Variants in NLRP1 observed in about 807,000 individuals in gnomAD.
NLRP1 encodes the protein NACHT, LRR and PYD domains-containing protein 1.
In NLRP1, 94 loss-of-function variants were observed where a neutral mutation model predicts 136.7. The ratio of observed to expected loss-of-function variants is 0.69; its 90% CI spans 0.58 to 0.82. NLRP1 has a LOEUF of 0.82. NLRP1 is among the 40% of genes least tolerant of loss of function. The pLI is 0.00. For synonymous variants in NLRP1, 690 were observed against 725.1 expected (o/e 0.95, Z 0.78); for missense variants, 1,575 against 1,802.7 (o/e 0.87, Z 2.29).
At position 5,517,907 on chromosome 17, in the gene NLRP1, A is replaced by G. The variant is rs1209396716; in HGVS notation, c.3916-20T>C. On this transcript the variant is annotated intron_variant, in intron 14 of 16. Transcript: ENST00000572272. The stretch of plus-strand genomic sequence containing the variant: ...CAGTTCCTGAAGAGGCAAAGAGTTG[A>G]GTTGCCACCCTGTTCATCTTGCATG... The G allele has an allele frequency of 6.2e-7, 1 of 1,613,232 alleles. No individual in the cohort carries two copies. Among genetic ancestry groups the G allele is most frequent in the Non-Finnish European group, 8.5e-7 (1 of 1,179,732 alleles).
Position 5,558,387 on chromosome 17 carries a change from ATCAGCTGAAGC to A in NLRP1, c.2298_2308del (p.Lys766AsnfsTer2). 1 of 1,613,924 alleles carries A rather than the reference ATCAGCTGAAGC, an allele frequency of 6.2e-7. No individual in the cohort carries two copies. Among genetic ancestry groups the A allele is most frequent in the Non-Finnish European group, 8.5e-7 (1 of 1,179,932 alleles). The stretch of plus-strand genomic sequence containing the variant: ...TGTTGATCTGTGCTGCCTGCCCTCA[ATCAGCTGAAGC>A]TTCTTCACGTGGCGGCTGAATTTAA... On this transcript the variant is annotated frameshift_variant, in exon 4 of 17. Coordinates refer to ENST00000572272, the MANE Select transcript of NLRP1 (RefSeq NM_033004.4). LOFTEE classifies it high-confidence loss of function.
chr17:5,545,411 CACAT>C (rs1339556073), intron 5 of NLRP1, among the ~76,000 whole-genome samples: 1 of 150,984 alleles, frequency 6.6e-6, no homozygotes, highest in Non-Finnish European at 1.5e-5. Context: ...GATACACACA[CACAT>C]ACACAGACAT....
At chr17:5,531,133 TTGTCTTGTC>T (rs763131609) in intron 11 of NLRP1, among the ~76,000 whole-genome samples, 2 of 137,696 alleles carry the variant, frequency 1.5e-5, no homozygotes, top group African/African-American at 5.2e-5. Context: ...ATTATCTGTC[TTGTCTTGTC>T]TGTCTATCTA....
Position 5,518,211 on chromosome 17 carries a change from C to G in NLRP1, c.3916-324G>C, listed in dbSNP as rs142001129. On this transcript the variant is annotated intron_variant, in intron 14 of 16. Coordinates refer to ENST00000572272, the MANE Select transcript of NLRP1 (RefSeq NM_033004.4). Reference sequence around the variant, plus strand: ...CCCAAAGCCTGTCTTCCCAATGGACCCTAAACTCCACCCACTGTCGATTGA... The same window carrying G: ...CCCAAAGCCTGTCTTCCCAATGGACGCTAAACTCCACCCACTGTCGATTGA... 4.6e-3 allele frequency: 1,074 copies of G among 233,472 alleles called. 10 individuals carry two copies. Among genetic ancestry groups the G allele is most frequent in the African/African-American group, 0.023 (1,022 of 44,040 alleles). The allele number at this position is 233,472 out of a possible 1,614,324, so 14.5% of individuals were successfully genotyped here. A position where few individuals can be genotyped will look rare whatever the true frequency, so the allele number is the denominator to read the frequency against.
chr17:5,552,497 C>T lies in NLRP1; in HGVS notation c.2528+889G>A, dbSNP rs185699975. Among the ~76,000 whole-genome samples the T allele has an allele frequency of 2.1e-3, 313 of 152,226 alleles. 2 individuals are homozygous for T. The highest frequency in any genetic ancestry group is 3.9e-3 in the Non-Finnish European group (268 of 68,012). On this transcript the variant is annotated intron_variant, in intron 5 of 16. Transcript: ENST00000572272. ...GAAAGGATCTTGAAACCAGCAAGCA[C>T]GAGATCACACTCATGACATTCCACC... is the stretch of plus-strand genomic sequence containing the variant.
intron 13 of NLRP1, 68 bp from the exon 14 acceptor site, chr17:5,521,080 G>A (rs1908841653): frequency 1.4e-6 from 2 of 1,461,852 alleles, no homozygotes; most frequent in Admixed American, 2.2e-5. Context: ...GAATAGGGGG[G>A]ATGGTGCATC....
At chr17:5,506,902 CAAAAAA>C (rs199684717) in intron 15 of NLRP1, among the ~76,000 whole-genome samples, 27,872 of 88,558 alleles carry the variant, frequency 0.31, 3,395 homozygotes, top group African/African-American at 0.37. Context: ...AACTCCATCT[CAAAAAA>C]AAAAAAAAAA....
At chr17:5,581,490 A>G (rs1484060136) in intron 3 of NLRP1, among the ~76,000 whole-genome samples, 2 of 152,206 alleles carry the variant, frequency 1.3e-5, no homozygotes, top group Non-Finnish European at 2.9e-5. Context: ...ACTGATGGGC[A>G]TGGGACTAGC....
At chr17:5,581,833 C>G in intron 3 of NLRP1, 26 bp downstream of exon 3, 1 of 1,594,172 alleles carries the variant, frequency 6.3e-7, no homozygotes, top group Non-Finnish European at 8.6e-7. Context: ...CCTCACCACC[C>G]CGCCAGGAGC....
At chr17:5,567,122 C>G (rs1915422780) in intron 3 of NLRP1, among the ~76,000 whole-genome samples, 1 of 152,016 alleles carries the variant, frequency 6.6e-6, no homozygotes, top group Admixed American at 6.6e-5. Flanking sequence ...TTCATTCAGC[C>G]AGTCTATGTC....
At chr17:5,524,831 T>C (rs537896575) in intron 12 of NLRP1, among the ~76,000 whole-genome samples, 1 of 152,276 alleles carries the variant, frequency 6.6e-6, no homozygotes, top group South Asian at 2.1e-4. Context: ...GTCTCCAACT[T>C]ACCTTCTTGC....
intron 8 of NLRP1, among the ~76,000 whole-genome samples, chr17:5,534,807 A>G (rs1194744290): frequency 6.6e-6 from 1 of 152,190 alleles, no homozygotes; most frequent in East Asian, 1.9e-4. Context: ...ATAGTCCAAA[A>G]GGGCTTGCCA....
chr17:5,564,734 GTTTTTTTTTTT>G lies in NLRP1; in HGVS notation c.653-4702_653-4692del, dbSNP rs59428190. 9.6e-3 allele frequency among the ~76,000 whole-genome samples: 941 copies of G among 97,830 alleles called. 17 individuals are homozygous for G. Among genetic ancestry groups the G allele is most frequent in the Admixed American group, 0.071 (588 of 8,340 alleles). The allele number at this position is 97,830 out of a possible 152,430, so 64.2% of individuals were successfully genotyped here. ...GCAGTGAGATTGCTCAATTTTTAGT[GTTTTTTTTTTT>G]TTTTTTTTTTTAGACAGAGTCTTGC... is the stretch of plus-strand genomic sequence containing the variant. On this transcript the variant is annotated intron_variant, in intron 3 of 16. Coordinates refer to ENST00000572272, the MANE Select transcript of NLRP1 (RefSeq NM_033004.4).
chr17:5,546,816 C>T (rs770196012), intron 5 of NLRP1, among the ~76,000 whole-genome samples: 54 of 152,226 alleles, frequency 3.5e-4, no homozygotes, highest in East Asian at 3.9e-4. Flanking sequence ...ACTTTGCTTG[C>T]GGGTCTTGGG....
intron 5 of NLRP1, among the ~76,000 whole-genome samples, chr17:5,545,295 G>A (rs1415347808): frequency 3.3e-5 from 5 of 151,590 alleles, no homozygotes; most frequent in East Asian, 1.9e-4. Flanking sequence ...GTGACAGAGC[G>A]AAACCCCAAT....
chr17:5,532,982 C>T lies in NLRP1; in HGVS notation c.3136G>A (p.Glu1046Lys). 3 of 1,611,194 alleles carry T rather than the reference C, an allele frequency of 1.9e-6. No homozygotes were observed. The highest frequency in any genetic ancestry group is 2.2e-5 in the South Asian group (2 of 90,772). Residue 1046 changes from glutamate to lysine, a missense_variant and splice_region_variant, in exon 11 of 17, where the codon GAA (glutamate) becomes AAA (lysine). Transcript: ENST00000572272. ...KIFPIAEIAE[E>K]SSPEVVPVEL... ...ACCGGTACTACCTCTGGGGAGCTTTCCTCTGAAACAGCAAGGCAGCGGTCA... is the reference window on the plus strand; with the variant it reads ...ACCGGTACTACCTCTGGGGAGCTTTTCTCTGAAACAGCAAGGCAGCGGTCA...
rs61753140 is a variant in NLRP1 at position 5,558,851 on chromosome 17, G to A, written c.1845C>T (p.Ile615=). The A allele has an allele frequency of 8.2e-3, 13,284 of 1,614,172 alleles. 58 individuals are homozygous for A. Among genetic ancestry groups the A allele is most frequent in the Non-Finnish European group, 9.9e-3 (11,670 of 1,180,018 alleles). ...GGTGAATGAAGCTGTAGCTCAGAGG[G>A]ATGGGGTGCTCTTGAAGAATACCCA... ...LKMGILQEHP[I]PLSYSFIHLC... is the part of the protein sequence containing the mutation. The change falls in exon 4 of 17, where the codon ATC becomes ATT. Residue 615 remains isoleucine (I), a synonymous_variant. Coordinates refer to ENST00000572272, the MANE Select transcript of NLRP1 (RefSeq NM_033004.4).
rs546879935 is a variant in NLRP1, at chr17:5,561,545, G to A, written c.653-1502C>T. On this transcript the variant is annotated intron_variant, in intron 3 of 16. Transcript: ENST00000572272. ...TGCAAGCTCCGCTTCCCGGGTTCAC[G>A]CCATTCTCCTGCCTCAGCCTCCCGA... Among the ~76,000 whole-genome samples, 10 of 70,076 alleles carry A rather than the reference G, an allele frequency of 1.4e-4. 3 individuals carry two copies. The highest frequency in any genetic ancestry group is 1.4e-3 in the Admixed American group (9 of 6,406). The allele number at this position is 70,076 out of a possible 152,430, so 46.0% of individuals were successfully genotyped here.
intron 4 of NLRP1, among the ~76,000 whole-genome samples, chr17:5,555,557 G>A (rs1401371809): frequency 6.6e-6 from 1 of 151,746 alleles, no homozygotes; most frequent in Non-Finnish European, 1.5e-5. Context: ...CCCATCCCCC[G>A]GCCAGCCACC....
Sources: allele counts gnomAD v4.1 joint callset (sites outside exome capture counted in the v4.1 genomes callset), GRCh38; gene constraint gnomAD v4.1.1; transcripts MANE v1.5; gene names NCBI Gene and HGNC (gene_info 2026-07-23, HGNC 2026-07-21).